The following MIDEAS variants were observed in gnomAD, a reference collection of about 807,000 sequenced individuals.
MIDEAS encodes mitotic deacetylase associated SANT domain protein, also known as mitotic deacetylase-associated SANT domain protein.
Under a neutral mutation model 102.7 loss-of-function variants are expected in MIDEAS, and 26 were observed. That is an observed-to-expected ratio of 0.25 (90% CI 0.19 to 0.35). The LOEUF (loss-of-function observed/expected upper bound fraction) is 0.35. Ranked by LOEUF, MIDEAS falls within the 10% of genes least tolerant of loss-of-function variation. The pLI is 1.00. For missense variants in MIDEAS, 1,231 were observed against 1,435.6 expected (o/e 0.86, Z 2.30); for synonymous variants, 585 against 591.0 (o/e 0.99, Z 0.15).
chr14:73,738,523 C>T (rs745941234), intron 2 of MIDEAS, 37 bp downstream of exon 2: 201 of 1,488,324 alleles, frequency 1.4e-4, no homozygotes, highest in Non-Finnish European at 1.8e-4. Flanking sequence ...GCCTGATGCC[C>T]TCTGCCAGGT....
At chr14:73,721,224 C>T (rs1193293156) in intron 11 of MIDEAS, 73 bp downstream of exon 11, 5 of 1,404,750 alleles carry the variant, frequency 3.6e-6, no homozygotes, top group Non-Finnish European at 5.0e-6. Context: ...TCCTGCTCTA[C>T]CCTCCCTCCC....
At chr14:73,721,009 AC>A (rs1394275324) in intron 11 of MIDEAS, among the ~76,000 whole-genome samples, 1 of 152,168 alleles carries the variant, frequency 6.6e-6, no homozygotes, top group Admixed American at 6.5e-5. Flanking sequence ...AATCTCAGAT[AC>A]AGAAGCAGTA....
chr14:73,724,927 C>T (rs967276513), intron 9 of MIDEAS: 1 of 233,890 alleles, frequency 4.3e-6, no homozygotes, highest in Non-Finnish European at 8.7e-6. Context: ...CCAGGGTGCC[C>T]TCCCCCTGCA....
chr14:73,780,170 G>A (rs1286574518), intron 1 of MIDEAS, among the ~76,000 whole-genome samples: 11 of 152,070 alleles, frequency 7.2e-5, no homozygotes, highest in African/African-American at 1.9e-4. Flanking sequence ...CACCGCGCCC[G>A]GCCGATTATA....
chr14:73,722,879 C>A (rs904990628), intron 9 of MIDEAS, 32 bp from the exon 10 acceptor site: 2 of 1,609,306 alleles, frequency 1.2e-6, no homozygotes, highest in African/African-American at 2.7e-5. Context: ...GGTCAGAACC[C>A]TCTGGTTTGG....
chr14:73,729,870 G>A lies in MIDEAS; in HGVS notation c.1865C>T (p.Pro622Leu), dbSNP rs145934247. The change falls in exon 4 of 13, where the codon CCC becomes CTC. Residue 622 changes from proline (P) to leucine (L), a missense_variant. This residue lies in a region of MIDEAS where 758 missense variants were observed against 856.0 expected (regional missense o/e 0.89). Coordinates refer to ENST00000423556, the MANE Select transcript of MIDEAS (RefSeq NM_001367710.1). ...PTKAGTFIAP[P>L]VYSNITPYQS... is the part of the protein sequence containing the mutation. ...GTATGGGGTGATGTTGGAGTAGACG[G>A]GAGGGGCGATGAAAGTGCCCGCCTT... 22 of 1,613,732 alleles carry A rather than the reference G, an allele frequency of 1.4e-5. No homozygotes were observed. In the African/African-American group the frequency reaches 2.7e-4, roughly 20 times the overall value.
rs774838562 is a variant in MIDEAS at position 73,729,947 on chromosome 14, G to A, written c.1788C>T (p.Ser596=). Reference sequence around the variant, plus strand: ...TGGGCCGCTGCTTTGGTTTCCGCACGGAAGGCTCCCCCTCCAACTTGACAT... The same window carrying A: ...TGGGCCGCTGCTTTGGTTTCCGCACAGAAGGCTCCCCCTCCAACTTGACAT... The part of the protein sequence containing the change: ...DMNVKLEGEP[S]VRKPKQRPRP... Residue 596 remains serine (S), a synonymous_variant, in exon 4 of 13, where the codon TCC becomes TCT. Transcript: ENST00000423556. The A allele has an allele frequency of 1.7e-5, 28 of 1,601,310 alleles. No homozygotes were observed. Among genetic ancestry groups the A allele is most frequent in the Middle Eastern group, 3.3e-4 (2 of 6,024 alleles).
intron 5 of MIDEAS, 31 bp from the exon 6 acceptor site, chr14:73,727,003 C>A (rs202090269): frequency 1.6e-5 from 25 of 1,562,146 alleles, no homozygotes; most frequent in Middle Eastern, 1.7e-4. Flanking sequence ...GGAAGTGAGG[C>A]CTCACCTTGC....
chr14:73,721,122 C>G (rs2052982674), intron 11 of MIDEAS, among the ~76,000 whole-genome samples, 175 bp downstream of exon 11: 1 of 152,188 alleles, frequency 6.6e-6, no homozygotes. Context: ...AACAGTAATA[C>G]CTAACCACAT....
Position 73,742,162 on chromosome 14 carries a change from T to A in MIDEAS, c.-247-1907A>T, listed in dbSNP as rs181002630. On this transcript the variant is annotated intron_variant, in intron 1 of 12. Transcript: ENST00000423556. The surrounding 1 kb of genome is among the most constrained non-coding windows in gnomAD (Gnocchi z 4.4). ...GCCCACAGAACTAGAAGTGCGTGTC[T>A]GCAGAAGCAAGACAGAGAAAGGAAG... Among the ~76,000 whole-genome samples, 14 of 152,352 alleles carry A rather than the reference T, an allele frequency of 9.2e-5. No individual in the cohort carries two copies. Among genetic ancestry groups the A allele is most frequent in the African/African-American group, 3.4e-4 (14 of 41,598 alleles).
chr14:73,730,499 T>C (rs2053124540), intron 3 of MIDEAS, among the ~76,000 whole-genome samples: 1 of 152,216 alleles, frequency 6.6e-6, no homozygotes, highest in African/African-American at 2.4e-5. Context: ...AGTAAGTGCC[T>C]ACTTCATGGG....
At chr14:73,779,174 G>C (rs1012459882) in intron 1 of MIDEAS, among the ~76,000 whole-genome samples, 5 of 151,802 alleles carry the variant, frequency 3.3e-5, no homozygotes, top group African/African-American at 4.8e-5. Flanking sequence ...AGTACTTGAG[G>C]TTAGGAGTTC....
In MIDEAS at chr14:73,740,032, G is replaced by A. The variant is rs1015093053; in HGVS notation, c.-24C>T. ...ATGATGTGGCCAACTGAGCCCTGGC[G>A]GTGAGATCCCCTTCAACAGTCGCCC... On this transcript the variant is annotated 5_prime_UTR_variant, in exon 2 of 13. Transcript: ENST00000423556. 4.8e-6 allele frequency: 7 copies of A among 1,466,464 alleles called. No individual in the cohort carries two copies. Among genetic ancestry groups the A allele is most frequent in the South Asian group, 1.5e-5 (1 of 65,536 alleles). The allele number at this position is 1,466,464 out of a possible 1,614,324, so 90.8% of individuals were successfully genotyped here. A position where few individuals can be genotyped will look rare whatever the true frequency, so the allele number is the denominator to read the frequency against.
At chr14:73,782,120 G>A (rs566556134) in intron 1 of MIDEAS, among the ~76,000 whole-genome samples, 3 of 152,250 alleles carry the variant, frequency 2.0e-5, no homozygotes, top group East Asian at 1.9e-4. Flanking sequence ...GCATTTTATA[G>A]TATGTGAATT....
chr14:73,746,940 A>G (rs576270410), intron 1 of MIDEAS, among the ~76,000 whole-genome samples: 1 of 152,238 alleles, frequency 6.6e-6, no homozygotes, highest in East Asian at 1.9e-4. Context: ...AACACACGCT[A>G]ATTATAATGC....
chr14:73,734,105 C>T (rs2053172969), intron 3 of MIDEAS, among the ~76,000 whole-genome samples: 1 of 150,854 alleles, frequency 6.6e-6, no homozygotes, highest in South Asian at 2.1e-4. Context: ...CTGCCTCAGC[C>T]TCCCAAGTAG....
chr14:73,740,052 T>C lies in MIDEAS; in HGVS notation c.-44A>G. On this transcript the variant is annotated 5_prime_UTR_variant, in exon 2 of 13. Coordinates refer to ENST00000423556, the MANE Select transcript of MIDEAS (RefSeq NM_001367710.1). ...CTGGCGGTGAGATCCCCTTCAACAG[T>C]CGCCCATCCCCTGGGGAAACGTCCT... is the stretch of plus-strand genomic sequence containing the variant. 7.0e-7 allele frequency: 1 copy of C among 1,431,208 alleles called. No individual in the cohort carries two copies. The highest frequency in any genetic ancestry group is 9.2e-7 in the Non-Finnish European group (1 of 1,089,952). 88.7% of individuals were successfully genotyped at this position (1,431,208 alleles called of 1,614,324 possible). A position where few individuals can be genotyped will look rare whatever the true frequency, so the allele number is the denominator to read the frequency against.
intron 1 of MIDEAS, among the ~76,000 whole-genome samples, chr14:73,774,786 T>C (rs1454827524): frequency 6.6e-6 from 1 of 151,950 alleles, no homozygotes; most frequent in Non-Finnish European, 1.5e-5. Context: ...GGGGATGTCA[T>C]GCAGACAGCC....
chr14:73,750,242 T>C (rs2053404503), intron 1 of MIDEAS, among the ~76,000 whole-genome samples: 1 of 152,090 alleles, frequency 6.6e-6, no homozygotes, highest in Non-Finnish European at 1.5e-5. Context: ...AGAAGCAAGA[T>C]TCAAATCTTT....
Sources: allele counts gnomAD v4.1 joint callset (sites outside exome capture counted in the v4.1 genomes callset), GRCh38; gene constraint gnomAD v4.1.1; regional missense constraint gnomAD v4.1.1; non-coding constraint Gnocchi (gnomAD v3.1); transcripts MANE v1.5; gene names NCBI Gene and HGNC (gene_info 2026-07-23, HGNC 2026-07-21).